The following PTPRJ variants were observed in gnomAD, a reference collection of about 807,000 sequenced individuals.
The protein encoded by PTPRJ is protein tyrosine phosphatase receptor type J, also known as receptor-type tyrosine-protein phosphatase eta.
PTPRJ carries 129 observed loss-of-function variants against 141.3 expected under a neutral mutation model. The observed-to-expected ratio is 0.91, with a 90% CI of 0.79 to 1.06. PTPRJ has a LOEUF of 1.06. Among genes scored for constraint, PTPRJ ranks in the 50% least tolerant of loss-of-function variants. The pLI, the probability that PTPRJ is intolerant of heterozygous loss-of-function variation, is 0.00. For missense variants in PTPRJ, 1,601 were observed against 1,679.7 expected, an observed-to-expected ratio of 0.95 and a Z score of 0.82; for synonymous variants, 610 against 640.5, an observed-to-expected ratio of 0.95 and a Z score of 0.72.
At chr11:48,064,039 G>A (rs907798796) in intron 1 of PTPRJ, among the ~76,000 whole-genome samples, 1 of 151,686 alleles carries the variant, frequency 6.6e-6, no homozygotes, top group Non-Finnish European at 1.5e-5. Context: ...TCAAAGTCCA[G>A]CTCTCAAGTG....
At chr11:48,120,400 G>C (rs1856675175) in intron 3 of PTPRJ, among the ~76,000 whole-genome samples, 1 of 152,094 alleles carries the variant, frequency 6.6e-6, no homozygotes, top group Non-Finnish European at 1.5e-5. Flanking sequence ...TGAGAATGGG[G>C]AGAGGGACTC....
chr11:47,983,469 G>A (rs1039732365), intron 1 of PTPRJ, among the ~76,000 whole-genome samples: 3 of 152,204 alleles, frequency 2.0e-5, no homozygotes, highest in Non-Finnish European at 4.4e-5. Context: ...ACACAGCTCT[G>A]TTTGGACATT....
intron 1 of PTPRJ, among the ~76,000 whole-genome samples, chr11:48,089,079 A>G (rs1855791988): frequency 6.6e-6 from 1 of 152,142 alleles, no homozygotes; most frequent in Admixed American, 6.6e-5. Flanking sequence ...GTCTTTAAGA[A>G]CCACTTTGAA....
At chr11:48,059,689 C>T (rs909707550) in intron 1 of PTPRJ, among the ~76,000 whole-genome samples, 1 of 152,196 alleles carries the variant, frequency 6.6e-6, no homozygotes, top group Non-Finnish European at 1.5e-5. Flanking sequence ...AGGTAGTGCA[C>T]ACTTCCATAG....
chr11:48,137,297 A>C lies in PTPRJ; in HGVS notation c.2152+16A>C. ...TTCTGTACAGGTGAGTGTAGCCCCA[A>C]CTGCCTCTTGGACTCCTCCCTGAGT... On this transcript the variant is annotated intron_variant, in intron 10 of 24. Coordinates refer to ENST00000418331, the MANE Select transcript of PTPRJ (RefSeq NM_002843.4). 6.2e-7 allele frequency: 1 copy of C among 1,607,808 alleles called. No individual in the cohort carries two copies. The highest frequency in any genetic ancestry group is 8.5e-7 in the Non-Finnish European group (1 of 1,175,668).
chr11:48,149,349 A>G (rs1857423387), intron 15 of PTPRJ, 98 bp from the exon 16 acceptor site: 2 of 823,534 alleles, frequency 2.4e-6, no homozygotes, highest in African/African-American at 3.6e-5. Context: ...AAGGTGTAAC[A>G]CCTTTATTTC....
chr11:48,049,495 C>T (rs555348722), intron 1 of PTPRJ, among the ~76,000 whole-genome samples: 5 of 151,016 alleles, frequency 3.3e-5, no homozygotes, highest in South Asian at 2.1e-4. Flanking sequence ...CTGGCCAATG[C>T]GGTGAAACCC....
chr11:48,029,367 T>C (rs143978788), intron 1 of PTPRJ, among the ~76,000 whole-genome samples: 1 of 152,342 alleles, frequency 6.6e-6, no homozygotes, highest in African/African-American at 2.4e-5. Context: ...ACATGTTACA[T>C]AAAATTCATA....
intron 1 of PTPRJ, among the ~76,000 whole-genome samples, chr11:48,030,883 CT>C (rs1853962845): frequency 6.6e-6 from 1 of 152,194 alleles, no homozygotes; most frequent in African/African-American, 2.4e-5. Flanking sequence ...GATGCACACA[CT>C]GAGCTGCAAG....
intron 8 of PTPRJ, chr11:48,132,701 A>G (rs1222460254): frequency 1.1e-6 from 1 of 892,652 alleles, no homozygotes; most frequent in Non-Finnish European, 1.3e-6. Context: ...ATAAAAACAT[A>G]TATATATATA....
At chr11:48,085,261 T>G (rs200634845) in intron 1 of PTPRJ, among the ~76,000 whole-genome samples, 2 of 25,804 alleles carry the variant, frequency 7.8e-5, no homozygotes, top group Admixed American at 9.3e-4. Context: ...CTCTCTCACT[T>G]TTTTTTTTTT....
intron 1 of PTPRJ, among the ~76,000 whole-genome samples, chr11:48,053,388 A>T (rs1485680834): frequency 1.0e-5 from 1 of 99,146 alleles, no homozygotes; most frequent in Non-Finnish European, 1.7e-5. Flanking sequence ...AAATATATAT[A>T]AAAATATATG....
At chr11:48,155,277 G>A (rs1054543596) in intron 19 of PTPRJ, among the ~76,000 whole-genome samples, 1 of 152,024 alleles carries the variant, frequency 6.6e-6, no homozygotes, top group Non-Finnish European at 1.5e-5. Context: ...GTTAACCTAG[G>A]GACCTACCCC....
intron 1 of PTPRJ, among the ~76,000 whole-genome samples, chr11:48,066,290 G>T (rs1274411156): frequency 6.6e-6 from 1 of 152,194 alleles, no homozygotes; most frequent in African/African-American, 2.4e-5. Flanking sequence ...TCAGGGATGA[G>T]TGTAAACACA....
At chr11:48,150,600 A>G (rs1857458119) in intron 18 of PTPRJ, among the ~76,000 whole-genome samples, 1 of 152,196 alleles carries the variant, frequency 6.6e-6, no homozygotes, top group Non-Finnish European at 1.5e-5. Flanking sequence ...TAGCCACAAT[A>G]CTTAGGAAGC....
In PTPRJ at chr11:48,169,092, C is replaced by T. The variant is rs1857995191; in HGVS notation, c.*1730C>T. 2 of 152,190 alleles carry T rather than the reference C, an allele frequency of 1.3e-5. No homozygotes were observed. The highest frequency in any genetic ancestry group is 2.9e-5 in the Non-Finnish European group (2 of 68,060). 9.4% of individuals were successfully genotyped at this position (152,190 alleles called of 1,614,324 possible). On this transcript the variant is annotated 3_prime_UTR_variant, in exon 25 of 25. Transcript: ENST00000418331. ...ACCTCACTGGCACTTCGATAACTGACTGGACGTGTTAATGGGTCTTTTAGG... is the reference window on the plus strand; with the variant it reads ...ACCTCACTGGCACTTCGATAACTGATTGGACGTGTTAATGGGTCTTTTAGG...
chr11:48,020,569 T>G (rs1855088826), intron 1 of PTPRJ, among the ~76,000 whole-genome samples: 2 of 152,022 alleles, frequency 1.3e-5, no homozygotes. Flanking sequence ...CGCAGTGCAG[T>G]CCGGGGGCAG....
intron 18 of PTPRJ, 125 bp downstream of exon 18, chr11:48,150,308 C>G: frequency 1.4e-6 from 1 of 723,384 alleles, no homozygotes; most frequent in Middle Eastern, 2.6e-4. Context: ...GCAGTTGGGA[C>G]ATGGCTTTAT....
intron 1 of PTPRJ, among the ~76,000 whole-genome samples, chr11:47,994,961 T>C (rs917614283): frequency 5.3e-5 from 8 of 152,318 alleles, no homozygotes; most frequent in East Asian, 1.9e-4. Flanking sequence ...TCAGGGTCAA[T>C]GTATGGCAAT....
Sources: gnomAD v4.1 joint callset for allele counts (sites outside exome capture counted in the v4.1 genomes callset) on GRCh38, gnomAD v4.1.1 for gene constraint, MANE v1.5 for transcripts, NCBI Gene and HGNC (gene_info 2026-07-23, HGNC 2026-07-21) for gene names.